Variants in NUFIP2 observed in about 807,000 individuals in gnomAD.
The protein encoded by NUFIP2 is FMR1-interacting protein NUFIP2.
In NUFIP2, 6 loss-of-function variants were observed where a neutral mutation model predicts 56.9. The ratio of observed to expected loss-of-function variants is 0.11; its 90% CI spans 0.06 to 0.21. The LOEUF is 0.21. Among genes scored for constraint, NUFIP2 ranks in the 10% least tolerant of loss-of-function variants. NUFIP2 has a pLI of 1.00. For missense variants in NUFIP2, 828 were observed against 826.8 expected (o/e 1.00, Z -0.02); for synonymous variants, 321 against 298.2 (o/e 1.08, Z -0.79).
intron 2 of NUFIP2, among the ~76,000 whole-genome samples, chr17:29,279,308 G>A (rs1325493999): frequency 1.3e-5 from 2 of 152,006 alleles, no homozygotes; most frequent in Admixed American, 6.6e-5. Context: ...AATCTTATCT[G>A]TTCCCTTATG....
In NUFIP2 at chr17:29,273,497, TACACAC is replaced by T. The variant is rs61077728; in HGVS notation, c.2003-5973_2003-5968del. The stretch of plus-strand genomic sequence containing the variant: ...TTGATCTTTTAACACTGCTCTCTTC[TACACAC>T]ACACACACACACACACACACACAGA... On this transcript the variant is annotated intron_variant, in intron 2 of 3. Transcript: ENST00000225388. Among the ~76,000 whole-genome samples the T allele has an allele frequency of 1.1e-3, 171 of 149,066 alleles. No individual in the cohort carries two copies. The South Asian group carries it at 0.017, about 14-fold the overall frequency.
Position 29,259,858 on chromosome 17 carries a change from C to G in NUFIP2, c.*4681G>C, listed in dbSNP as rs1015722389. The G allele has an allele frequency of 1.3e-5, 2 of 152,200 alleles. No homozygotes were observed. The highest frequency in any genetic ancestry group is 4.8e-5 in the African/African-American group (2 of 41,442). 9.4% of individuals were successfully genotyped at this position (152,200 alleles called of 1,614,324 possible). A position where few individuals can be genotyped will look rare whatever the true frequency, so the allele number is the denominator to read the frequency against. ...ATCCTTTAACTACTTTAAGACCTTT[C>G]TTGAGCGGCAAAACAGTGTGAAATT... On this transcript the variant is annotated 3_prime_UTR_variant, in exon 4 of 4. Coordinates refer to ENST00000225388, the MANE Select transcript of NUFIP2 (RefSeq NM_020772.3).
At position 29,294,083 on chromosome 17, in the gene NUFIP2, C is replaced by G; in HGVS notation, c.-24G>C. The G allele has an allele frequency of 3.2e-6, 5 of 1,575,362 alleles. No individual in the cohort carries two copies. The highest frequency in any genetic ancestry group is 4.3e-6 in the Non-Finnish European group (5 of 1,158,494). On this transcript the variant is annotated 5_prime_UTR_variant, in exon 1 of 4. Transcript: ENST00000225388. ...ATTGAAAGCGGCTGGGACTCCCTGG[C>G]TGAGGCTGCGGGCTGCTGCACCGTC...
intron 2 of NUFIP2, among the ~76,000 whole-genome samples, chr17:29,277,830 T>C (rs1223476494): frequency 6.6e-6 from 1 of 152,016 alleles, no homozygotes; most frequent in Non-Finnish European, 1.5e-5. Context: ...CTGACCAACA[T>C]GGTGAAACCT....
At position 29,262,851 on chromosome 17, in the gene NUFIP2, A is replaced by AC. The variant is rs1358396970; in HGVS notation, c.*1687dup. 5.3e-5 allele frequency: 8 copies of AC among 152,156 alleles called. No homozygotes were observed. The highest frequency in any genetic ancestry group is 3.9e-4 in the Admixed American group (6 of 15,260). 9.4% of individuals were successfully genotyped at this position (152,156 alleles called of 1,614,324 possible). A position where few individuals can be genotyped will look rare whatever the true frequency, so the allele number is the denominator to read the frequency against. The stretch of plus-strand genomic sequence containing the variant: ...AGAAATCCAGACTAAAAAGATAGTT[A>AC]CTCTACTCTATGTTGAGTCCAACAG... On this transcript the variant is annotated 3_prime_UTR_variant, in exon 4 of 4. Transcript: ENST00000225388.
chr17:29,264,491 C>G lies in NUFIP2; in HGVS notation c.*48G>C. ...ATAAAAGCCTTGTGTCCCCCATGAACGATGGCTCTAATGCTGCAGAAAGGT... is the reference window on the plus strand; with the variant it reads ...ATAAAAGCCTTGTGTCCCCCATGAAGGATGGCTCTAATGCTGCAGAAAGGT... On this transcript the variant is annotated 3_prime_UTR_variant, in exon 4 of 4. Coordinates refer to ENST00000225388, the MANE Select transcript of NUFIP2 (RefSeq NM_020772.3). 1 of 1,346,396 alleles carries G rather than the reference C, an allele frequency of 7.4e-7. No individual in the cohort carries two copies. Among genetic ancestry groups the G allele is most frequent in the Non-Finnish European group, 1.1e-6 (1 of 941,338 alleles). The allele number at this position is 1,346,396 out of a possible 1,614,324, so 83.4% of individuals were successfully genotyped here.
chr17:29,283,840 A>C (rs936683058), intron 2 of NUFIP2, among the ~76,000 whole-genome samples: 1 of 152,194 alleles, frequency 6.6e-6, no homozygotes, highest in Admixed American at 6.6e-5. Flanking sequence ...TCCTGTATTT[A>C]CCTTCAAAGA....
chr17:29,265,338 T>C (rs1160263282), intron 3 of NUFIP2, among the ~76,000 whole-genome samples: 1 of 146,540 alleles, frequency 6.8e-6, no homozygotes, highest in African/African-American at 2.5e-5. Flanking sequence ...AGTCTCGCTC[T>C]GTCGCCCAGG....
Position 29,288,112 on chromosome 17 carries a change from C to A in NUFIP2, c.278-396G>T, listed in dbSNP as rs947281819. Among the ~76,000 whole-genome samples the A allele has an allele frequency of 3.9e-5, 6 of 152,372 alleles. No homozygotes were observed. In the East Asian group the frequency reaches 7.7e-4, roughly 20 times the overall value. On this transcript the variant is annotated intron_variant, in intron 1 of 3. Transcript: ENST00000225388. ...AGGCTGGAGTGCAGTGGCGCTATCTCCGCTCACTGTAAGCTCCACCTCCCG... is the reference window on the plus strand; with the variant it reads ...AGGCTGGAGTGCAGTGGCGCTATCTACGCTCACTGTAAGCTCCACCTCCCG...
chr17:29,279,514 T>C (rs1017029061), intron 2 of NUFIP2, among the ~76,000 whole-genome samples: 1 of 152,274 alleles, frequency 6.6e-6, no homozygotes, highest in East Asian at 1.9e-4. Context: ...AACACAGATC[T>C]GTAAGTAATT....
chr17:29,269,744 CT>C (rs963703808), intron 2 of NUFIP2, among the ~76,000 whole-genome samples: 11 of 148,426 alleles, frequency 7.4e-5, no homozygotes, highest in East Asian at 2.0e-4. Context: ...AAGTCTGGCA[CT>C]TTTTTTTTTG....
At chr17:29,270,754 A>G (rs1185379784) in intron 2 of NUFIP2, among the ~76,000 whole-genome samples, 1 of 152,106 alleles carries the variant, frequency 6.6e-6, no homozygotes, top group Non-Finnish European at 1.5e-5. Flanking sequence ...CCAAAGCAGG[A>G]GGATCACTTG....
intron 2 of NUFIP2, among the ~76,000 whole-genome samples, chr17:29,272,001 A>G (rs1243550549): frequency 7.3e-6 from 1 of 137,112 alleles, no homozygotes; most frequent in African/African-American, 2.7e-5. Flanking sequence ...TGAACCCGGG[A>G]GGCAGAGATT....
rs2068998843 is a variant in NUFIP2, at chr17:29,260,936, G to A, written c.*3603C>T. On this transcript the variant is annotated 3_prime_UTR_variant, in exon 4 of 4. Transcript: ENST00000225388. ...TGGCTATCCCCTCCTAGAAAGTAGA[G>A]GAGGAAGGGCTGGCTACCACAGACG... The A allele has an allele frequency of 6.6e-6, 1 of 152,116 alleles. No individual in the cohort carries two copies. The highest frequency in any genetic ancestry group is 1.5e-5 in the Non-Finnish European group (1 of 68,004). The allele number at this position is 152,116 out of a possible 1,614,324, so 9.4% of individuals were successfully genotyped here.
intron 2 of NUFIP2, among the ~76,000 whole-genome samples, chr17:29,270,770 C>T (rs1268339540): frequency 6.6e-6 from 1 of 151,668 alleles, no homozygotes; most frequent in Non-Finnish European, 1.5e-5. Flanking sequence ...ACTTGAGGGA[C>T]CAGCCTGGGA....
rs576690317 is a variant in NUFIP2, at chr17:29,272,531, C to T, written c.2003-5001G>A. ...CTGGGATTACAGGCGTGAGCCGCTG[C>T]ACCTGGCCCCTCGTTTGTGTGATTT... is the stretch of plus-strand genomic sequence containing the variant. On this transcript the variant is annotated intron_variant, in intron 2 of 3. Coordinates refer to ENST00000225388, the MANE Select transcript of NUFIP2 (RefSeq NM_020772.3). Among the ~76,000 whole-genome samples the T allele has an allele frequency of 1.2e-4, 19 of 152,234 alleles. 1 individual carries two copies. In the South Asian group the frequency reaches 3.7e-3, roughly 30 times the overall value.
intron 1 of NUFIP2, among the ~76,000 whole-genome samples, chr17:29,293,241 C>G (rs536786102): frequency 7.4e-4 from 113 of 151,732 alleles, no homozygotes; most frequent in Middle Eastern, 3.4e-3. Context: ...ACAGCCCCCC[C>G]CACCGAGACG....
At position 29,263,901 on chromosome 17, in the gene NUFIP2, A is replaced by G. The variant is rs1174450647; in HGVS notation, c.*638T>C. ...CCACAAAAAATAAATGGAAAGAAAT[A>G]AAGTATTTCCCCAACACCCCAGAGG... On this transcript the variant is annotated 3_prime_UTR_variant, in exon 4 of 4. Transcript: ENST00000225388. The G allele has an allele frequency of 1.3e-5, 2 of 152,632 alleles. No homozygotes were observed. The highest frequency in any genetic ancestry group is 2.4e-5 in the African/African-American group (1 of 41,436). 9.5% of individuals were successfully genotyped at this position (152,632 alleles called of 1,614,324 possible).
intron 2 of NUFIP2, among the ~76,000 whole-genome samples, chr17:29,271,351 A>C (rs546342732): frequency 1.2e-4 from 18 of 152,208 alleles, no homozygotes; most frequent in Admixed American, 3.3e-4. Flanking sequence ...AGCCTGGCCA[A>C]CATGGTGAAA....
Sources: gnomAD v4.1 joint callset for allele counts (sites outside exome capture counted in the v4.1 genomes callset) on GRCh38, gnomAD v4.1.1 for gene constraint, MANE v1.5 for transcripts, NCBI Gene and HGNC (gene_info 2026-07-23, HGNC 2026-07-21) for gene names.